The following GRIP1 variants were observed in gnomAD, a reference collection of about 807,000 sequenced individuals.
GRIP1 encodes glutamate receptor-interacting protein 1.
GRIP1 carries 45 observed loss-of-function variants against 129.9 expected under a neutral mutation model. That is an observed-to-expected ratio of 0.35 (90% CI 0.27 to 0.44). GRIP1 has a LOEUF of 0.44. GRIP1 is among the 20% of genes least tolerant of loss of function. GRIP1 has a pLI of 1.00. For synonymous variants in GRIP1, 530 were observed against 520.8 expected (o/e 1.02, Z -0.24); for missense variants, 1,196 against 1,396.8 (o/e 0.86, Z 2.29).
intron 1 of GRIP1, among the ~76,000 whole-genome samples, chr12:67,051,154 C>A (rs796956524): frequency 1.3e-5 from 2 of 151,930 alleles, no homozygotes; most frequent in South Asian, 4.2e-4. Context: ...TACCAGACAC[C>A]AGGAACATAG....
chr12:66,556,072 A>T (rs576093751), intron 2 of GRIP1, among the ~76,000 whole-genome samples: 1 of 152,286 alleles, frequency 6.6e-6, no homozygotes, highest in South Asian at 2.1e-4. Flanking sequence ...AAGTACAAAA[A>T]GGTTATAGAA....
chr12:66,491,653 A>G (rs1472963619), intron 7 of GRIP1, among the ~76,000 whole-genome samples: 1 of 152,202 alleles, frequency 6.6e-6, no homozygotes. Flanking sequence ...GAGCAAAAAC[A>G]AAGAAAAAAG....
At chr12:66,414,596 T>A (rs2057519331) in intron 15 of GRIP1, among the ~76,000 whole-genome samples, 1 of 152,058 alleles carries the variant, frequency 6.6e-6, no homozygotes, top group Admixed American at 6.6e-5. Flanking sequence ...AAAAAACTAC[T>A]TTAAAATTCA....
In GRIP1 at chr12:66,785,347, T is replaced by TACATAC. The variant is rs1566021122; in HGVS notation, c.-420+18705_-420+18706insGTATGT. On this transcript the variant is annotated intron_variant, in intron 1 of 4. Transcript: ENST00000538373. ...ACATACATACATACATACATACATA[T>TACATAC]ATATATATATATATATTAGTTGGGC... is the stretch of plus-strand genomic sequence containing the variant. Among the ~76,000 whole-genome samples the TACATAC allele has an allele frequency of 2.4e-3, 148 of 62,124 alleles. 1 individual carries two copies. The highest frequency in any genetic ancestry group is 3.9e-3 in the Non-Finnish European group (107 of 27,300). The allele number at this position is 62,124 out of a possible 152,430, so 40.8% of individuals were successfully genotyped here. A position where few individuals can be genotyped will look rare whatever the true frequency, so the allele number is the denominator to read the frequency against.
intron 1 of GRIP1, among the ~76,000 whole-genome samples, chr12:66,706,815 T>C (rs1423930679): frequency 2.6e-5 from 4 of 151,926 alleles, no homozygotes; most frequent in East Asian, 1.9e-4. Flanking sequence ...GAGTTGAATG[T>C]TGAGAACACA....
chr12:66,700,901 G>T (rs921490828), intron 1 of GRIP1, among the ~76,000 whole-genome samples: 5 of 152,052 alleles, frequency 3.3e-5, no homozygotes. Flanking sequence ...AATCCCCCAC[G>T]GGCTGCCTAA....
At chr12:67,061,410 G>A (rs189996887) in intron 1 of GRIP1, among the ~76,000 whole-genome samples, 10 of 152,148 alleles carry the variant, frequency 6.6e-5, no homozygotes, top group South Asian at 6.2e-4. Flanking sequence ...CAAGATGGTC[G>A]GTCTATACCT....
At chr12:66,942,435 C>T (rs1265401997) in intron 1 of GRIP1, among the ~76,000 whole-genome samples, 5 of 152,262 alleles carry the variant, frequency 3.3e-5, no homozygotes, top group African/African-American at 1.2e-4. Flanking sequence ...TGATCCACTT[C>T]CTCTCCCGTA....
At chr12:66,492,281 A>G (rs972553344) in intron 7 of GRIP1, among the ~76,000 whole-genome samples, 8 of 152,328 alleles carry the variant, frequency 5.3e-5, no homozygotes, top group African/African-American at 1.9e-4. Flanking sequence ...TGCCAAAAAT[A>G]TACTTTGAAA....
chr12:66,460,232 T>C (rs988375702), intron 9 of GRIP1, among the ~76,000 whole-genome samples: 2 of 152,228 alleles, frequency 1.3e-5, no homozygotes. Flanking sequence ...TCCCTTGTTA[T>C]GGATAAGAAA....
At chr12:66,819,210 G>A (rs1220706171) in intron 1 of GRIP1, among the ~76,000 whole-genome samples, 3 of 152,094 alleles carry the variant, frequency 2.0e-5, no homozygotes, top group African/African-American at 4.8e-5. Context: ...TTTTACTTTT[G>A]TTGATTTTAA....
chr12:66,358,336 G>A (rs1010442631), intron 23 of GRIP1, among the ~76,000 whole-genome samples: 7 of 151,984 alleles, frequency 4.6e-5, no homozygotes, highest in African/African-American at 4.8e-5. Flanking sequence ...TTTACTTTCC[G>A]GCACAAAATA....
At chr12:66,432,467 T>C (rs2058177523) in intron 14 of GRIP1, 81 bp downstream of exon 14, 2 of 838,712 alleles carry the variant, frequency 2.4e-6, no homozygotes, top group Non-Finnish European at 3.9e-6. Context: ...ATATAAAACA[T>C]TTGTTACACC....
intron 7 of GRIP1, among the ~76,000 whole-genome samples, chr12:66,491,843 A>G (rs1282848205): frequency 2.6e-5 from 4 of 152,246 alleles, no homozygotes; most frequent in African/African-American, 9.6e-5. Context: ...AAAATGATTT[A>G]GTATATTACA....
intron 1 of GRIP1, among the ~76,000 whole-genome samples, chr12:67,062,259 C>T (rs959460880): frequency 2.0e-5 from 3 of 152,180 alleles, no homozygotes; most frequent in Non-Finnish European, 4.4e-5. Flanking sequence ...TAGTCTAATG[C>T]TCCCATCCAG....
chr12:67,021,663 T>C (rs2042869127), intron 1 of GRIP1, among the ~76,000 whole-genome samples: 1 of 152,182 alleles, frequency 6.6e-6, no homozygotes, highest in Non-Finnish European at 1.5e-5. Context: ...TCCTCTCTTC[T>C]AGCTATCCAA....
At chr12:66,989,493 G>C (rs1241880003) in intron 1 of GRIP1, among the ~76,000 whole-genome samples, 1 of 152,144 alleles carries the variant, frequency 6.6e-6, no homozygotes, top group East Asian at 1.9e-4. Flanking sequence ...TCAGGGTTTG[G>C]AGTAAGACCC....
intron 1 of GRIP1, among the ~76,000 whole-genome samples, chr12:66,766,546 T>C (rs1341418835): frequency 2.0e-5 from 3 of 152,232 alleles, no homozygotes; most frequent in Non-Finnish European, 2.9e-5. Flanking sequence ...CACCTTTGTG[T>C]TCTCAGCACT....
chr12:66,939,638 T>A (rs2041551153), intron 1 of GRIP1, among the ~76,000 whole-genome samples: 1 of 152,096 alleles, frequency 6.6e-6, no homozygotes, highest in Non-Finnish European at 1.5e-5. Context: ...ATAATTTTCA[T>A]TCTAGCTACA....
Sources: gnomAD v4.1 joint callset for allele counts (sites outside exome capture counted in the v4.1 genomes callset) on GRCh38, gnomAD v4.1.1 for gene constraint, MANE v1.5 for transcripts, NCBI Gene and HGNC (gene_info 2026-07-23, HGNC 2026-07-21) for gene names.